ZC3H12B: variants seen among roughly 807,000 people sequenced by gnomAD.
ZC3H12B encodes the protein zinc finger CCCH-type containing 12B, also known as probable ribonuclease ZC3H12B.
Under a neutral mutation model 43.9 loss-of-function variants are expected in ZC3H12B, and 7 were observed. The observed-to-expected ratio is 0.16, with a 90% CI of 0.09 to 0.30. ZC3H12B has a LOEUF of 0.30. Among genes scored for constraint, ZC3H12B ranks in the 10% least tolerant of loss-of-function variants. ZC3H12B has a pLI of 1.00. For missense variants in ZC3H12B, 475 were observed against 670.2 expected (o/e 0.71, Z 3.22); for synonymous variants, 222 against 241.7 (o/e 0.92, Z 0.76).
rs772303509 is a variant in ZC3H12B at position 65,382,290 on chromosome X, G to A, written n.295+13292G>A. Among the ~76,000 whole-genome samples the A allele has an allele frequency of 8.3e-3, 913 of 109,502 alleles. 4 individuals carry two copies. Among genetic ancestry groups the A allele is most frequent in the Middle Eastern group, 9.3e-3 (2 of 216 alleles). On this transcript the variant is annotated intron_variant and non_coding_transcript_variant, in intron 2 of 5. Coordinates refer to the ZC3H12B transcript ENST00000617377. ...GGCTTCATCCCTGGGATGCAAGGCT[G>A]GTTCAATATACGCAAATCAATAAAT...
the ZC3H12B span, among the ~76,000 whole-genome samples, chrX:65,177,506 A>G: frequency 8.9e-6 from 1 of 112,246 alleles, no homozygotes; most frequent in African/African-American, 3.2e-5. Context: ...TTTGCAGATG[A>G]CATGAATGTA....
At chrX:65,351,244 G>A in the ZC3H12B span, among the ~76,000 whole-genome samples, 1 of 111,652 alleles carries the variant, frequency 9.0e-6, no homozygotes, top group African/African-American at 3.3e-5. Context: ...TTTAATAAAA[G>A]GTGTTGGGAA....
chrX:65,244,727 CAAAAAAAAAA>C, the ZC3H12B span, among the ~76,000 whole-genome samples: 2 of 20,391 alleles, frequency 9.8e-5, no homozygotes, highest in African/African-American at 4.0e-4. Flanking sequence ...AATACCTTGC[CAAAAAAAAAA>C]AAAAAAAAAA....
the ZC3H12B span, among the ~76,000 whole-genome samples, chrX:65,255,122 C>A: frequency 8.9e-6 from 1 of 112,036 alleles, no homozygotes; most frequent in African/African-American, 3.2e-5. Context: ...AGAAATCACA[C>A]AACTTGGAAG....
intron 3 of ZC3H12B, among the ~76,000 whole-genome samples, chrX:65,480,846 C>CAAA (rs59314463): frequency 1.5e-5 from 1 of 68,524 alleles, no homozygotes; most frequent in African/African-American, 4.4e-5. Context: ...AACTCTGACT[C>CAAA]AAAAAAAAAA....
chrX:65,299,269 T>A, the ZC3H12B span, among the ~76,000 whole-genome samples: 1 of 112,131 alleles, frequency 8.9e-6, no homozygotes, highest in Middle Eastern at 4.6e-3. Flanking sequence ...GAGAAAGGAA[T>A]ATTTTTTAAT....
the ZC3H12B span, among the ~76,000 whole-genome samples, chrX:65,080,096 C>A: frequency 1.9e-5 from 2 of 105,767 alleles, no homozygotes; most frequent in East Asian, 3.0e-4. Flanking sequence ...TAAAGAATGC[C>A]TCAGAGTCTC....
chrX:65,152,763 C>T, the ZC3H12B span, among the ~76,000 whole-genome samples: 1 of 111,611 alleles, frequency 9.0e-6, no homozygotes, highest in Non-Finnish European at 1.9e-5. Flanking sequence ...AAAAAAGAGC[C>T]CGCATTGCCA....
the ZC3H12B span, among the ~76,000 whole-genome samples, chrX:65,229,696 C>T: frequency 2.0e-5 from 2 of 98,311 alleles, no homozygotes; most frequent in African/African-American, 7.4e-5. Context: ...AAGAAAAAAA[C>T]AAACAACCCC....
chrX:65,419,605 A>G (rs1343253549), intron 3 of ZC3H12B, among the ~76,000 whole-genome samples: 2 of 111,506 alleles, frequency 1.8e-5, no homozygotes, highest in Admixed American at 9.5e-5. Flanking sequence ...AATGAAGTGA[A>G]CAAGAGGCTT....
the ZC3H12B span, among the ~76,000 whole-genome samples, chrX:65,118,353 GCTCT>G: frequency 1.8e-5 from 2 of 111,247 alleles, no homozygotes; most frequent in Non-Finnish European, 3.8e-5. Context: ...TCATGATTTG[GCTCT>G]CTGTTTGTCT....
the ZC3H12B span, among the ~76,000 whole-genome samples, chrX:65,064,459 G>T: frequency 8.9e-6 from 1 of 112,139 alleles, no homozygotes; most frequent in African/African-American, 3.2e-5. Context: ...TAGTTGTGTG[G>T]TCTTGCGTGA....
chrX:65,399,542 C>T (rs774988878), intron 3 of ZC3H12B, among the ~76,000 whole-genome samples: 35 of 111,019 alleles, frequency 3.2e-4, no homozygotes, highest in South Asian at 3.8e-4. Context: ...CAAATGCTGG[C>T]GAGAATGTGG....
chrX:65,249,468 G>A, the ZC3H12B span, among the ~76,000 whole-genome samples: 1 of 112,042 alleles, frequency 8.9e-6, no homozygotes, highest in Non-Finnish European at 1.9e-5. Context: ...TGGCCTTATA[G>A]TATACTTTGA....
intron 2 of ZC3H12B, among the ~76,000 whole-genome samples, chrX:65,379,162 A>G (rs912637551): frequency 8.9e-6 from 1 of 112,080 alleles, no homozygotes; most frequent in African/African-American, 3.2e-5. Context: ...GAGGGCACAG[A>G]CAAACAAAAA....
the ZC3H12B span, among the ~76,000 whole-genome samples, chrX:65,049,089 G>A: frequency 9.0e-6 from 1 of 110,889 alleles, no homozygotes; most frequent in Non-Finnish European, 1.9e-5. Context: ...CAGTTGTGTA[G>A]GTTTTCAAAT....
At chrX:65,144,132 G>A in the ZC3H12B span, among the ~76,000 whole-genome samples, 1 of 110,937 alleles carries the variant, frequency 9.0e-6, no homozygotes, top group Non-Finnish European at 1.9e-5. Flanking sequence ...TCTAGTCTTG[G>A]GATTTTTTTG....
chrX:65,166,790 G>A, the ZC3H12B span, among the ~76,000 whole-genome samples: 3 of 111,941 alleles, frequency 2.7e-5, no homozygotes, highest in Non-Finnish European at 1.9e-5. Context: ...TTTCTCTGAT[G>A]GCCAGTGGTG....
At chrX:65,218,553 C>T in the ZC3H12B span, among the ~76,000 whole-genome samples, 3 of 110,891 alleles carry the variant, frequency 2.7e-5, no homozygotes, top group South Asian at 7.6e-4. Context: ...TGGCTTTCCC[C>T]ATTTTCTCTA....
Sources: allele counts gnomAD v4.1 joint callset (sites outside exome capture counted in the v4.1 genomes callset), GRCh38; gene constraint gnomAD v4.1.1; transcripts MANE v1.5; gene names NCBI Gene and HGNC (gene_info 2026-07-23, HGNC 2026-07-21).